Variants in LRIF1 observed in about 807,000 individuals in gnomAD.
LRIF1 encodes ligand dependent nuclear receptor interacting factor 1.
In LRIF1, 32 loss-of-function variants were observed where a neutral mutation model predicts 52.7. That is an observed-to-expected ratio of 0.61 (90% CI 0.46 to 0.82). LRIF1 has a LOEUF of 0.82. LRIF1 is among the 40% of genes least tolerant of loss of function. The pLI, the probability that LRIF1 is intolerant of heterozygous loss-of-function variation, is 0.00. For missense variants in LRIF1, 887 were observed against 892.0 expected, an observed-to-expected ratio of 0.99 and a Z score of 0.07; for synonymous variants, 323 against 317.4, an observed-to-expected ratio of 1.02 and a Z score of -0.19.
At chr1:110,913,126 G>A in the LRIF1 span, among the ~76,000 whole-genome samples, 2 of 152,156 alleles carry the variant, frequency 1.3e-5, no homozygotes, top group African/African-American at 4.8e-5. Context: ...ATATACACAA[G>A]ACTGAAACTG....
At position 110,952,416 on chromosome 1, in the gene LRIF1, T is replaced by C. The variant is rs772450006; in HGVS notation, c.468A>G (p.Thr156=). 2 of 1,612,702 alleles carry C rather than the reference T, an allele frequency of 1.2e-6. No individual in the cohort carries two copies. Residue 156 remains threonine, a synonymous_variant, in exon 2 of 4, where the codon ACA becomes ACG. Coordinates refer to ENST00000369763, the MANE Select transcript of LRIF1 (RefSeq NM_018372.4). ...CTACAATAAAAGATGAGTCTTTTTG[T>C]GTTGAGGGAGGAACAGCAAATGTTT... ...TMQTFAVPPS[T]QKDSSFIVVN...
the LRIF1 span, chr1:110,894,999 C>T: frequency 6.2e-7 from 1 of 1,614,094 alleles, no homozygotes; most frequent in Admixed American, 1.7e-5. Context: ...CGACAGCATC[C>T]ACCGTTACCA....
the LRIF1 span, among the ~76,000 whole-genome samples, chr1:110,876,620 AT>A: frequency 1.3e-5 from 2 of 152,108 alleles, no homozygotes; most frequent in African/African-American, 4.8e-5. Context: ...CTTACCTTAT[AT>A]CAGGAGCAAA....
At chr1:110,902,167 G>A in the LRIF1 span, among the ~76,000 whole-genome samples, 1 of 152,170 alleles carries the variant, frequency 6.6e-6, no homozygotes, top group Admixed American at 6.5e-5. Context: ...AAACATAAAT[G>A]TAATAATGAC....
the LRIF1 span, among the ~76,000 whole-genome samples, chr1:110,932,883 T>C: frequency 6.6e-6 from 1 of 152,220 alleles, no homozygotes; most frequent in Non-Finnish European, 1.5e-5. Flanking sequence ...AATTCAACTG[T>C]AATGAAGAAT....
the LRIF1 span, among the ~76,000 whole-genome samples, chr1:110,919,019 A>G: frequency 0.59 from 90,238 of 152,142 alleles, 27,299 homozygotes; most frequent in East Asian, 0.84. Flanking sequence ...GGTCAGCCAA[A>G]AAATTGCTGG....
chr1:110,941,445 AGTT>A, the LRIF1 span: 1 of 152,030 alleles, frequency 6.6e-6, no homozygotes, highest in African/African-American at 2.4e-5. Context: ...ATATGTACTT[AGTT>A]GTTCAATTCT....
chr1:110,896,536 A>G, the LRIF1 span: 1 of 912,120 alleles, frequency 1.1e-6, no homozygotes, highest in Non-Finnish European at 1.8e-6. Context: ...AATCAGACCA[A>G]TTCTGGACTT....
At chr1:110,894,307 A>C in the LRIF1 span, 1 of 1,611,366 alleles carries the variant, frequency 6.2e-7, no homozygotes. Context: ...TGCTGTGAGA[A>C]TGTATCTGCT....
the LRIF1 span, among the ~76,000 whole-genome samples, chr1:110,911,852 A>G: frequency 6.6e-6 from 1 of 152,216 alleles, no homozygotes; most frequent in East Asian, 1.9e-4. Context: ...GAGGGAATGT[A>G]CCTTAAAATA....
chr1:110,959,601 T>C (rs2101122122), intron 1 of LRIF1, among the ~76,000 whole-genome samples: 1 of 151,556 alleles, frequency 6.6e-6, no homozygotes, highest in Middle Eastern at 3.4e-3. Context: ...AATACAAAAA[T>C]TAGCCGGGCG....
chr1:110,934,040 C>T, the LRIF1 span, among the ~76,000 whole-genome samples: 4 of 152,206 alleles, frequency 2.6e-5, no homozygotes, highest in African/African-American at 9.6e-5. Context: ...GTTCAGAGAC[C>T]CTTGTTCCAG....
the LRIF1 span, among the ~76,000 whole-genome samples, chr1:110,908,237 T>C: frequency 6.6e-6 from 1 of 152,096 alleles, no homozygotes; most frequent in African/African-American, 2.4e-5. Flanking sequence ...GTGAAGAATA[T>C]AAAAGCAAAA....
At chr1:110,958,594 T>C (rs775767292) in intron 1 of LRIF1, among the ~76,000 whole-genome samples, 1 of 152,168 alleles carries the variant, frequency 6.6e-6, no homozygotes, top group African/African-American at 2.4e-5. Flanking sequence ...TAAAAAAAAC[T>C]ATACTGTGTG....
the LRIF1 span, among the ~76,000 whole-genome samples, chr1:110,927,476 T>A: frequency 1.3e-5 from 2 of 152,164 alleles, no homozygotes; most frequent in African/African-American, 4.8e-5. Flanking sequence ...CTATGTTGGT[T>A]TTTAGTGTCT....
Position 110,951,352 on chromosome 1 carries a change from C to T in LRIF1, c.1532G>A (p.Ser511Asn), listed in dbSNP as rs776812709. ...GSVLQSIEKISSSVDATTVTS... is the reference protein window; with the variant it reads ...GSVLQSIEKINSSVDATTVTS... ...AACAGTTGTTGCATCAACAGAGGAACTTATTTTCTCTATGCTCTGGAGGAC... is the reference window on the plus strand; with the variant it reads ...AACAGTTGTTGCATCAACAGAGGAATTTATTTTCTCTATGCTCTGGAGGAC... Residue 511 changes from serine to asparagine, a missense_variant, in exon 2 of 4, where the codon AGT becomes AAT. Coordinates refer to ENST00000369763, the MANE Select transcript of LRIF1 (RefSeq NM_018372.4). 6.2e-7 allele frequency: 1 copy of T among 1,614,074 alleles called. No homozygotes were observed. Among genetic ancestry groups the T allele is most frequent in the Non-Finnish European group, 8.5e-7 (1 of 1,179,968 alleles).
the LRIF1 span, among the ~76,000 whole-genome samples, chr1:110,929,810 T>C: frequency 6.6e-6 from 1 of 152,014 alleles, no homozygotes; most frequent in Non-Finnish European, 1.5e-5. Context: ...AGCTAAATGA[T>C]GAGATCACGT....
At chr1:110,942,846 AT>A (rs1281072247), downstream of LRIF1, among the ~76,000 whole-genome samples, 2 of 152,148 alleles carry the variant, frequency 1.3e-5, no homozygotes, top group African/African-American at 2.4e-5. Context: ...CCAAGTAGAA[AT>A]GTCAAGAAGG....
At chr1:110,879,037 AT>A in the LRIF1 span, among the ~76,000 whole-genome samples, 8 of 151,376 alleles carry the variant, frequency 5.3e-5, no homozygotes, top group Admixed American at 4.0e-4. Flanking sequence ...TTGTTTTTTT[AT>A]TTTTTTTACA....
Sources: allele counts gnomAD v4.1 joint callset (sites outside exome capture counted in the v4.1 genomes callset), GRCh38; gene constraint gnomAD v4.1.1; transcripts MANE v1.5; gene names NCBI Gene and HGNC (gene_info 2026-07-23, HGNC 2026-07-21).